The following ABCD2 variants were observed in gnomAD, a reference collection of about 807,000 sequenced individuals.
ABCD2 encodes ATP-binding cassette sub-family D member 2.
ABCD2 carries 36 observed loss-of-function variants against 70.9 expected under a neutral mutation model. That is an observed-to-expected ratio of 0.51 (90% CI 0.39 to 0.67). The LOEUF (loss-of-function observed/expected upper bound fraction) is 0.67. Ranked by LOEUF, ABCD2 falls within the 30% of genes least tolerant of loss-of-function variation. The pLI is 0.00. For synonymous variants in ABCD2, 304 were observed against 306.9 expected, an observed-to-expected ratio of 0.99 and a Z score of 0.10; for missense variants, 729 against 890.2, an observed-to-expected ratio of 0.82 and a Z score of 2.30.
Position 39,619,061 on chromosome 12 carries a change from T to G in ABCD2, c.555A>C (p.Glu185Asp), listed in dbSNP as rs766139244. The change falls in exon 1 of 10, where the codon GAA (glutamate) becomes GAC (aspartate). Residue 185 changes from glutamate to aspartate, a missense_variant. Physicochemically the swap from Glu to Asp is conservative, Grantham distance 45 (BLOSUM62 2). This residue lies in a region of ABCD2 where 245 missense variants were observed against 261.2 expected (regional missense o/e 0.94). Transcript: ENST00000308666. ...AATAAGTCTGATTTGTAAAATAGGT[T>G]TCATAGGCGTGGTCTACTAGGCGAG... ...FRTRLVDHAYETYFTNQTYYK... is the reference protein window; with the variant it reads ...FRTRLVDHAYDTYFTNQTYYK... The G allele has an allele frequency of 5.0e-6, 8 of 1,614,196 alleles. No individual in the cohort carries two copies. The Admixed American group carries it at 1.2e-4, about 24-fold the overall frequency.
chr12:39,534,795 AAAGAAAG>A, the ABCD2 span, among the ~76,000 whole-genome samples: 38 of 146,948 alleles, frequency 2.6e-4, no homozygotes, highest in African/African-American at 7.4e-4. Context: ...AGAAAGAAAG[AAAGAAAG>A]AAAGAAAAGA....
chr12:39,588,451 A>G lies in ABCD2; in HGVS notation c.1647-2154T>C, dbSNP rs375611080. Among the ~76,000 whole-genome samples the G allele has an allele frequency of 4.6e-5, 7 of 152,332 alleles. No homozygotes were observed. The South Asian group carries it at 8.3e-4, about 18-fold the overall frequency. On this transcript the variant is annotated intron_variant, in intron 6 of 9. Transcript: ENST00000308666. ...GAAACACAGGAAAGAAAAGAAAGCC[A>G]CGTGAAGAAGGAGACAGAGATGGGA...
chr12:39,598,422 T>G (rs1205292375), intron 6 of ABCD2, among the ~76,000 whole-genome samples: 1 of 152,134 alleles, frequency 6.6e-6, no homozygotes, highest in Non-Finnish European at 1.5e-5. Context: ...TTTTTTGAGG[T>G]GGAGTTTTGC....
intron 6 of ABCD2, among the ~76,000 whole-genome samples, chr12:39,590,127 C>G (rs1277111765): frequency 6.6e-6 from 1 of 152,142 alleles, no homozygotes; most frequent in Non-Finnish European, 1.5e-5. Context: ...GCTCAAAGTT[C>G]TGGAATTTAA....
chr12:39,540,802 G>C, the ABCD2 span, among the ~76,000 whole-genome samples: 2 of 152,144 alleles, frequency 1.3e-5, no homozygotes, highest in Non-Finnish European at 2.9e-5. Context: ...TCCCCCACCA[G>C]CTTGAATTGT....
At chr12:39,544,401 G>A in the ABCD2 span, among the ~76,000 whole-genome samples, 1 of 152,138 alleles carries the variant, frequency 6.6e-6, no homozygotes, top group Non-Finnish European at 1.5e-5. Flanking sequence ...CTAATCTTGT[G>A]GCTAATGTTC....
chr12:39,580,634 C>T (rs1195527217), intron 7 of ABCD2, among the ~76,000 whole-genome samples: 1 of 152,018 alleles, frequency 6.6e-6, no homozygotes, highest in Non-Finnish European at 1.5e-5. Context: ...TTAAAGATTA[C>T]TTAAAAATAA....
intron 8 of ABCD2, among the ~76,000 whole-genome samples, chr12:39,576,077 A>T (rs1211789329): frequency 6.6e-6 from 1 of 152,188 alleles, no homozygotes; most frequent in Non-Finnish European, 1.5e-5. Flanking sequence ...ATTACTGGGT[A>T]CTTATGGCCT....
At chr12:39,547,688 TAG>T (rs1399830543), downstream of ABCD2, among the ~76,000 whole-genome samples, 1 of 152,130 alleles carries the variant, frequency 6.6e-6, no homozygotes, top group East Asian at 1.9e-4. Context: ...TTAATGGACA[TAG>T]AGTTTCAGAT....
chr12:39,547,538 A>C (rs187522756), downstream of ABCD2, among the ~76,000 whole-genome samples: 7 of 152,298 alleles, frequency 4.6e-5, no homozygotes, highest in Admixed American at 4.6e-4. Context: ...TGTGGACATT[A>C]TGCTAAATGA....
At chr12:39,545,728 T>TA (rs1397776739), downstream of ABCD2, among the ~76,000 whole-genome samples, 1 of 152,198 alleles carries the variant, frequency 6.6e-6, no homozygotes, top group Non-Finnish European at 1.5e-5. Context: ...GAGTTTTTTT[T>TA]ATACAAACAC....
rs1342758733 is a variant in ABCD2, at chr12:39,550,263, TA to T, written c.*3648del. 6.6e-6 allele frequency: 1 copy of T among 151,798 alleles called. No homozygotes were observed. Among genetic ancestry groups the T allele is most frequent in the African/African-American group, 2.4e-5 (1 of 41,412 alleles). 9.4% of individuals were successfully genotyped at this position (151,798 alleles called of 1,614,324 possible). On this transcript the variant is annotated 3_prime_UTR_variant, in exon 10 of 10. Transcript: ENST00000308666. Reference sequence around the variant, plus strand: ...TGCAGTATAGAAACAGGGTATTTTGTAAAAATGGAATAATTTGTAATTCCTT... The same window carrying T: ...TGCAGTATAGAAACAGGGTATTTTGTAAAATGGAATAATTTGTAATTCCTT...
intron 8 of ABCD2, among the ~76,000 whole-genome samples, chr12:39,574,468 T>G (rs1941489993): frequency 6.6e-6 from 1 of 152,142 alleles, no homozygotes; most frequent in South Asian, 2.1e-4. Context: ...TTAAGCTTAT[T>G]TTTTACTTTG....
intron 6 of ABCD2, among the ~76,000 whole-genome samples, chr12:39,588,778 C>G (rs55997525): frequency 6.6e-6 from 1 of 151,638 alleles, no homozygotes; most frequent in East Asian, 1.9e-4. Flanking sequence ...AAGCAATAGT[C>G]TGGCATTCTT....
intron 3 of ABCD2, among the ~76,000 whole-genome samples, chr12:39,605,512 C>A (rs1941957819): frequency 1.3e-5 from 2 of 151,900 alleles, no homozygotes; most frequent in African/African-American, 4.8e-5. Flanking sequence ...ATTTATATGC[C>A]CAAAGAAAAA....
At chr12:39,565,612 C>G (rs975674314) in intron 9 of ABCD2, among the ~76,000 whole-genome samples, 2 of 152,120 alleles carry the variant, frequency 1.3e-5, no homozygotes, top group Middle Eastern at 3.4e-3. Flanking sequence ...CTAATATAAT[C>G]CCCTTTATTT....
At chr12:39,581,921 T>A (rs1215774885) in intron 7 of ABCD2, among the ~76,000 whole-genome samples, 1 of 152,328 alleles carries the variant, frequency 6.6e-6, no homozygotes, top group Non-Finnish European at 1.5e-5. Context: ...TATACTCTTC[T>A]TTAGTTCGTG....
chr12:39,606,433 A>G lies in ABCD2; in HGVS notation c.1236+1166T>C, dbSNP rs544843417. 2.0e-5 allele frequency among the ~76,000 whole-genome samples: 3 copies of G among 152,314 alleles called. No homozygotes were observed. In the East Asian group the frequency reaches 5.8e-4, roughly 29 times the overall value. On this transcript the variant is annotated intron_variant, in intron 3 of 9. Coordinates refer to ENST00000308666, the MANE Select transcript of ABCD2 (RefSeq NM_005164.4). Reference sequence around the variant, plus strand: ...TCAGGCAAAAATAAAGCAAAATGCAATCATTCGTTGAGTTGGAGACAGTTT... The same window carrying G: ...TCAGGCAAAAATAAAGCAAAATGCAGTCATTCGTTGAGTTGGAGACAGTTT...
chr12:39,573,371 T>A (rs1392591054), intron 9 of ABCD2, among the ~76,000 whole-genome samples: 2 of 152,116 alleles, frequency 1.3e-5, no homozygotes, highest in Non-Finnish European at 2.9e-5. Context: ...TCCCCAGATT[T>A]TACTTTCCTG....
Sources: gnomAD v4.1 joint callset for allele counts (sites outside exome capture counted in the v4.1 genomes callset) on GRCh38, gnomAD v4.1.1 for gene constraint, gnomAD v4.1.1 regional missense constraint, MANE v1.5 for transcripts, NCBI Gene and HGNC (gene_info 2026-07-23, HGNC 2026-07-21) for gene names.